Variants in GRIN2B observed in about 807,000 individuals in gnomAD.
GRIN2B encodes glutamate ionotropic receptor NMDA type subunit 2B.
A neutral mutation model predicts 114.5 loss-of-function variants in GRIN2B; 5 were observed. That is an observed-to-expected ratio of 0.04 (90% CI 0.02 to 0.09). GRIN2B has a LOEUF of 0.09. Among genes scored for constraint, GRIN2B ranks in the 10% least tolerant of loss-of-function variants. GRIN2B has a pLI of 1.00. For missense variants in GRIN2B, 1,108 were observed against 1,943.5 expected, an observed-to-expected ratio of 0.57 and a Z score of 8.08; for synonymous variants, 787 against 745.1, an observed-to-expected ratio of 1.06 and a Z score of -0.92.
intron 2 of GRIN2B, among the ~76,000 whole-genome samples, chr12:13,909,806 G>A (rs1033959389): frequency 6.6e-6 from 1 of 152,198 alleles, no homozygotes; most frequent in Non-Finnish European, 1.5e-5. Context: ...ATGAGTGGTG[G>A]CTGTCCCGAC....
At chr12:13,687,589 C>G (rs1950183219) in intron 4 of GRIN2B, among the ~76,000 whole-genome samples, 1 of 152,152 alleles carries the variant, frequency 6.6e-6, no homozygotes, top group South Asian at 2.1e-4. Context: ...CTTGAATGCT[C>G]AGATCAAACT....
chr12:13,695,656 A>C (rs1415276681), intron 4 of GRIN2B, among the ~76,000 whole-genome samples: 1 of 152,210 alleles, frequency 6.6e-6, no homozygotes, highest in Non-Finnish European at 1.5e-5. Context: ...AAACAGGGCC[A>C]ATTGTGAAGC....
In GRIN2B at chr12:13,562,677, G is replaced by C; in HGVS notation, c.*106C>G. 2 of 962,350 alleles carry C rather than the reference G, an allele frequency of 2.1e-6. No individual in the cohort carries two copies. Among genetic ancestry groups the C allele is most frequent in the Non-Finnish European group, 3.4e-6 (2 of 592,336 alleles). The allele number at this position is 962,350 out of a possible 1,614,324, so 59.6% of individuals were successfully genotyped here. ...CCATAAATAAATTAAAACAAGAAAG[G>C]AGCAAATGGGAACCAAGTTCACCCC... On this transcript the variant is annotated 3_prime_UTR_variant, in exon 14 of 14. Coordinates refer to ENST00000609686, the MANE Select transcript of GRIN2B (RefSeq NM_000834.5).
chr12:13,636,875 C>T (rs767832667), intron 5 of GRIN2B, among the ~76,000 whole-genome samples: 1 of 152,074 alleles, frequency 6.6e-6, no homozygotes, highest in African/African-American at 2.4e-5. Flanking sequence ...CATAGGGTTG[C>T]TATGAAGATT....
At position 13,540,202 on chromosome 12, in the gene GRIN2B, A is replaced by G. The variant is rs1344980882; in HGVS notation, c.*22581T>C. 6.6e-6 allele frequency: 1 copy of G among 152,240 alleles called. No homozygotes were observed. The allele number at this position is 152,240 out of a possible 1,614,324, so 9.4% of individuals were successfully genotyped here. A position where few individuals can be genotyped will look rare whatever the true frequency, so the allele number is the denominator to read the frequency against. ...TTTTTGGAATCACAGTAAAGAAAGC[A>G]CAAAGACCAAGAAAAAAACTCTGAT... On this transcript the variant is annotated 3_prime_UTR_variant, in exon 14 of 14. Coordinates refer to ENST00000609686, the MANE Select transcript of GRIN2B (RefSeq NM_000834.5).
chr12:13,842,917 CT>C (rs201344138), intron 3 of GRIN2B, among the ~76,000 whole-genome samples: 7,493 of 102,546 alleles, frequency 0.073, 190 homozygotes, highest in African/African-American at 0.1. Context: ...ATTGGTTTTT[CT>C]TTTTTTTTTT....
intron 2 of GRIN2B, among the ~76,000 whole-genome samples, chr12:13,912,451 T>C (rs977691345): frequency 8.5e-5 from 13 of 152,188 alleles, no homozygotes; most frequent in Non-Finnish European, 1.5e-4. Flanking sequence ...CCTATTGAAG[T>C]TACGTATTGA....
chr12:13,753,928 C>G lies in GRIN2B; in HGVS notation c.412-13G>C. 6.4e-7 allele frequency: 1 copy of G among 1,552,724 alleles called. No homozygotes were observed. Reference sequence around the variant, plus strand: ...TGGAGGATTCATCCTAGAAAAAGAACAGGACAAAAAAAGGAAGAGAGAAAA... The same window carrying G: ...TGGAGGATTCATCCTAGAAAAAGAAGAGGACAAAAAAAGGAAGAGAGAAAA... On this transcript the variant is annotated splice_polypyrimidine_tract_variant and intron_variant, in intron 3 of 13. Transcript: ENST00000609686. This position sits in a 1 kb window ranked among gnomAD's most constrained non-coding sequence, Gnocchi z 6.2.
chr12:13,640,296 A>G (rs1949703134), intron 5 of GRIN2B, among the ~76,000 whole-genome samples: 1 of 151,862 alleles, frequency 6.6e-6, no homozygotes, highest in African/African-American at 2.4e-5. Flanking sequence ...CTATATTTAT[A>G]TGTAGATCTG....
chr12:13,732,720 C>G (rs765930691), intron 4 of GRIN2B, among the ~76,000 whole-genome samples: 1 of 152,166 alleles, frequency 6.6e-6, no homozygotes, highest in African/African-American at 2.4e-5. Context: ...GTGAGTATAG[C>G]TCTTTGCAAA....
intron 2 of GRIN2B, among the ~76,000 whole-genome samples, chr12:13,871,221 A>G (rs901811834): frequency 3.9e-5 from 6 of 152,132 alleles, no homozygotes; most frequent in African/African-American, 1.4e-4. Flanking sequence ...AACAGAGAAT[A>G]GATGTTCTTT....
At chr12:13,623,676 G>A (rs757082864) in intron 5 of GRIN2B, among the ~76,000 whole-genome samples, 29 of 152,150 alleles carry the variant, frequency 1.9e-4, no homozygotes, top group Non-Finnish European at 3.2e-4. Flanking sequence ...TCCTGGTGTA[G>A]TATGATAGTA....
At chr12:13,729,735 C>T (rs941868115) in intron 4 of GRIN2B, among the ~76,000 whole-genome samples, 2 of 148,070 alleles carry the variant, frequency 1.4e-5, no homozygotes, top group Non-Finnish European at 3.0e-5. Context: ...ATTCATTTTG[C>T]TGCCGAAAGG....
At chr12:13,874,209 A>G (rs1031824439) in intron 2 of GRIN2B, among the ~76,000 whole-genome samples, 1 of 152,150 alleles carries the variant, frequency 6.6e-6, no homozygotes, top group Admixed American at 6.5e-5. Flanking sequence ...TCTTCGTTCA[A>G]CCAGACCTGT....
At chr12:13,839,936 G>T (rs887568122) in intron 3 of GRIN2B, among the ~76,000 whole-genome samples, 2 of 152,174 alleles carry the variant, frequency 1.3e-5, no homozygotes, top group Non-Finnish European at 2.9e-5. Context: ...GCATATGCAT[G>T]TATATTTATC....
intron 3 of GRIN2B, among the ~76,000 whole-genome samples, chr12:13,757,314 C>T (rs1863593550): frequency 6.6e-6 from 1 of 152,176 alleles, no homozygotes; most frequent in African/African-American, 2.4e-5. Flanking sequence ...AATGGGACAG[C>T]TCTTTTTCAG....
intron 4 of GRIN2B, among the ~76,000 whole-genome samples, chr12:13,683,277 A>G (rs767303699): frequency 4.6e-5 from 7 of 152,160 alleles, no homozygotes; most frequent in Non-Finnish European, 7.4e-5. Context: ...AACAGTAACT[A>G]AAGAGGGAAA....
intron 4 of GRIN2B, among the ~76,000 whole-genome samples, chr12:13,752,624 A>C (rs766181655): frequency 1.2e-4 from 19 of 152,214 alleles, no homozygotes; most frequent in Non-Finnish European, 1.0e-4. Flanking sequence ...CGGAGGATGC[A>C]CTGCAGTCAC....
intron 4 of GRIN2B, among the ~76,000 whole-genome samples, chr12:13,750,502 A>G (rs1265017821): frequency 6.6e-6 from 1 of 152,232 alleles, no homozygotes; most frequent in African/African-American, 2.4e-5. Context: ...TTAAGGTAAC[A>G]TTCACTTGAT....
Sources: allele counts gnomAD v4.1 joint callset (sites outside exome capture counted in the v4.1 genomes callset), GRCh38; gene constraint gnomAD v4.1.1; non-coding constraint Gnocchi (gnomAD v3.1); transcripts MANE v1.5; gene names NCBI Gene and HGNC (gene_info 2026-07-23, HGNC 2026-07-21).